ARID1B: variants seen among roughly 807,000 people sequenced by gnomAD.
ARID1B encodes the protein AT-rich interaction domain 1B.
A neutral mutation model predicts 212.3 loss-of-function variants in ARID1B; 30 were observed. That is an observed-to-expected ratio of 0.14 (90% CI 0.11 to 0.19). The LOEUF (loss-of-function observed/expected upper bound fraction) is 0.19, where lower values mean the gene tolerates loss of function less well. ARID1B is among the 10% of genes least tolerant of loss of function. The pLI is 1.00. For synonymous variants in ARID1B, 1,402 were observed against 1,301.7 expected, an observed-to-expected ratio of 1.08 and a Z score of -1.66; for missense variants, 2,891 against 3,204.0, an observed-to-expected ratio of 0.90 and a Z score of 2.36.
At chr6:156,919,870 A>G (rs572756984) in intron 3 of ARID1B, among the ~76,000 whole-genome samples, 4 of 152,296 alleles carry the variant, frequency 2.6e-5, no homozygotes, top group Non-Finnish European at 5.9e-5. Context: ...ATCAAAGGCT[A>G]AAGAAAAACT....
intron 3 of ARID1B, among the ~76,000 whole-genome samples, chr6:156,923,076 T>C (rs777630411): frequency 1.3e-5 from 2 of 152,198 alleles, no homozygotes; most frequent in Non-Finnish European, 2.9e-5. Context: ...TCTCAAGTTG[T>C]TGCTTTAACC....
intron 4 of ARID1B, among the ~76,000 whole-genome samples, chr6:156,959,110 C>A (rs1432781829): frequency 6.6e-6 from 1 of 152,116 alleles, no homozygotes; most frequent in Non-Finnish European, 1.5e-5. Context: ...AAATGTTTTC[C>A]TCTATTGGGA....
At chr6:157,030,648 A>T (rs1780963040) in intron 4 of ARID1B, among the ~76,000 whole-genome samples, 1 of 152,262 alleles carries the variant, frequency 6.6e-6, no homozygotes, top group Non-Finnish European at 1.5e-5. Context: ...TAAATTTAAC[A>T]GCCTTGAATA....
Position 157,174,128 on chromosome 6 carries a change from C to A in ARID1B, c.3345+11C>A, listed in dbSNP as rs772302707. The A allele has an allele frequency of 9.9e-6, 16 of 1,609,720 alleles. No homozygotes were observed. Among genetic ancestry groups the A allele is most frequent in the Non-Finnish European group, 1.4e-5 (16 of 1,176,032 alleles). On this transcript the variant is annotated intron_variant, in intron 10 of 19. Coordinates refer to ENST00000636930, the MANE Select transcript of ARID1B (RefSeq NM_001374828.1). ...GAGAGCAAGTCAAAGGTACTTCCTT[C>A]GCCTCTGCACGCGGTGTGAGGTCTG...
At chr6:156,996,971 AC>A (rs201949658) in intron 4 of ARID1B, among the ~76,000 whole-genome samples, 1,562 of 152,316 alleles carry the variant, frequency 0.01, 34 homozygotes, top group African/African-American at 0.036. Context: ...AGGGAAAAAA[AC>A]GTGTGTTATT....
chr6:157,140,765 G>T, intron 7 of ARID1B: 1 of 397,566 alleles, frequency 2.5e-6, no homozygotes, highest in Non-Finnish European at 4.4e-6. Flanking sequence ...GTGTCCTTGG[G>T]GTCCGCCTCT....
intron 4 of ARID1B, among the ~76,000 whole-genome samples, chr6:157,039,591 T>C (rs1031916629): frequency 6.6e-6 from 1 of 152,092 alleles, no homozygotes; most frequent in Non-Finnish European, 1.5e-5. Flanking sequence ...TCGGCAAGTA[T>C]ATTTTTGAAT....
intron 5 of ARID1B, among the ~76,000 whole-genome samples, chr6:157,087,804 A>G (rs976553955): frequency 4.2e-5 from 1 of 23,862 alleles, no homozygotes; most frequent in African/African-American, 1.1e-4. Context: ...TTTCTTCTAG[A>G]AAAAAAAAAA....
At chr6:156,958,611 T>C (rs1246048190) in intron 4 of ARID1B, among the ~76,000 whole-genome samples, 1 of 152,272 alleles carries the variant, frequency 6.6e-6, no homozygotes, top group African/African-American at 2.4e-5. Context: ...ACCCATCTTG[T>C]TGAAGGGCAT....
chr6:156,891,726 C>CT (rs1491485088), intron 2 of ARID1B, among the ~76,000 whole-genome samples: 13 of 149,236 alleles, frequency 8.7e-5, no homozygotes, highest in African/African-American at 2.3e-4. Flanking sequence ...CTCACCTCTG[C>CT]TCTTTTTTTT....
chr6:156,779,306 G>A lies in ARID1B; in HGVS notation c.1626G>A (p.Ala542=), dbSNP rs2115001959. 8.8e-7 allele frequency: 1 copy of A among 1,138,872 alleles called. No individual in the cohort carries two copies. Among genetic ancestry groups the A allele is most frequent in the Non-Finnish European group, 1.1e-6 (1 of 930,246 alleles). 70.5% of individuals were successfully genotyped at this position (1,138,872 alleles called of 1,614,324 possible). A position where few individuals can be genotyped will look rare whatever the true frequency, so the allele number is the denominator to read the frequency against. ...CGCAGCCCCAGTCCCAGGCGGCGGC[G>A]GCGGGGGCGGCGGCGGGCGGCCAGC... ...PPSQPQSQAA[A]AGAAAGGQQA... Residue 542 remains alanine, a synonymous_variant, in exon 1 of 20, where the codon GCG becomes GCA. Transcript: ENST00000636930.
At position 157,200,555 on chromosome 6, in the gene ARID1B, A is replaced by G; in HGVS notation, c.4480-150A>G. 1 of 854,796 alleles carries G rather than the reference A, an allele frequency of 1.2e-6. No homozygotes were observed. Among genetic ancestry groups the G allele is most frequent in the Non-Finnish European group, 1.8e-6 (1 of 570,562 alleles). 53.0% of individuals were successfully genotyped at this position (854,796 alleles called of 1,614,324 possible). A position where few individuals can be genotyped will look rare whatever the true frequency, so the allele number is the denominator to read the frequency against. ...TGTATATAATACTGAAATATTGAACATAAATTGTTAGTTCTCTGTTGTTAT... is the reference window on the plus strand; with the variant it reads ...TGTATATAATACTGAAATATTGAACGTAAATTGTTAGTTCTCTGTTGTTAT... On this transcript the variant is annotated intron_variant, in intron 17 of 19. Transcript: ENST00000636930. The surrounding 1 kb of genome is among the most constrained non-coding windows in gnomAD (Gnocchi z 4.3).
chr6:157,024,371 G>C (rs1446449577), intron 4 of ARID1B: 1 of 152,242 alleles, frequency 6.6e-6, no homozygotes, highest in Non-Finnish European at 1.5e-5. Flanking sequence ...TTAAAAAGCA[G>C]ATTTGTATGA....
intron 1 of ARID1B, among the ~76,000 whole-genome samples, chr6:156,827,241 T>G (rs981591575): frequency 6.6e-6 from 1 of 152,180 alleles, no homozygotes; most frequent in Non-Finnish European, 1.5e-5. Context: ...GCCTCAAGTT[T>G]CCTATGTAAA....
At chr6:156,807,430 T>G (rs1331702927) in intron 1 of ARID1B, among the ~76,000 whole-genome samples, 1 of 150,094 alleles carries the variant, frequency 6.7e-6, no homozygotes, top group Non-Finnish European at 1.5e-5. Flanking sequence ...CCACTAGAGT[T>G]TTGAGGTTTT....
chr6:156,878,411 C>T (rs533304438), intron 2 of ARID1B, among the ~76,000 whole-genome samples: 1 of 152,280 alleles, frequency 6.6e-6, no homozygotes, highest in Admixed American at 6.5e-5. Flanking sequence ...CTGAGCATGC[C>T]AGACACAACT....
intron 1 of ARID1B, among the ~76,000 whole-genome samples, chr6:156,823,117 G>A (rs574385836): frequency 2.0e-5 from 3 of 152,210 alleles, no homozygotes; most frequent in Admixed American, 6.5e-5. Context: ...GAAATGGCAC[G>A]TTACCTGACA....
rs370022658 is a variant in ARID1B at position 156,792,570 on chromosome 6, T to C, written c.1791+13099T>C. Among the ~76,000 whole-genome samples the C allele has an allele frequency of 4.9e-4, 74 of 152,358 alleles. No homozygotes were observed. In the South Asian group the frequency reaches 8.5e-3, roughly 17 times the overall value. ...TTAGTGTAAAATTCAGTATAAATAA[T>C]AGTCATGGTGCTTGAGTAGGCTGAT... On this transcript the variant is annotated intron_variant, in intron 1 of 19. Coordinates refer to ENST00000636930, the MANE Select transcript of ARID1B (RefSeq NM_001374828.1).
intron 1 of ARID1B, among the ~76,000 whole-genome samples, chr6:156,785,807 G>C (rs1005958626): frequency 6.6e-6 from 1 of 152,234 alleles, no homozygotes; most frequent in South Asian, 2.1e-4. Context: ...TTCTTCCGCA[G>C]ACATTCCATC....
Sources: allele counts gnomAD v4.1 joint callset (sites outside exome capture counted in the v4.1 genomes callset), GRCh38; gene constraint gnomAD v4.1.1; non-coding constraint Gnocchi (gnomAD v3.1); transcripts MANE v1.5; gene names NCBI Gene and HGNC (gene_info 2026-07-23, HGNC 2026-07-21).